Variants in ZNF83 observed in about 807,000 individuals in gnomAD.
The protein encoded by ZNF83 is zinc finger protein 816B.
For synonymous variants in ZNF83, 209 were observed against 213.0 expected, an observed-to-expected ratio of 0.98 and a Z score of 0.17; for missense variants, 552 against 629.9, an observed-to-expected ratio of 0.88 and a Z score of 1.32.
chr19:52,674,716 G>A (rs957720771), intron 1 of ZNF83, among the ~76,000 whole-genome samples: 2 of 152,140 alleles, frequency 1.3e-5, no homozygotes, highest in Non-Finnish European at 2.9e-5. Flanking sequence ...GTAAAAATGC[G>A]AGAAGTTTCT....
intron 1 of ZNF83, among the ~76,000 whole-genome samples, chr19:52,664,250 C>T (rs2061617214): frequency 2.0e-5 from 3 of 149,902 alleles, no homozygotes; most frequent in Admixed American, 2.0e-4. Context: ...AATCCCAAGA[C>T]TTTGGGAGGC....
At chr19:52,647,338 C>T (rs1013576386) in intron 3 of ZNF83, among the ~76,000 whole-genome samples, 5 of 152,110 alleles carry the variant, frequency 3.3e-5, no homozygotes, top group Non-Finnish European at 7.3e-5. Flanking sequence ...TTATTATATA[C>T]ACAGAAGTGA....
intron 1 of ZNF83, among the ~76,000 whole-genome samples, chr19:52,689,453 T>G (rs1003090679): frequency 1.3e-5 from 2 of 152,022 alleles, no homozygotes; most frequent in East Asian, 3.9e-4. Context: ...TCTCCCTCTG[T>G]TCTCCTTGCC....
intron 3 of ZNF83, chr19:52,652,524 T>G (rs1224505034): frequency 8.8e-6 from 4 of 455,074 alleles, no homozygotes; most frequent in Non-Finnish European, 1.8e-5. Flanking sequence ...AAGATGAAGC[T>G]TGACTGAAGA....
At chr19:52,677,369 C>T (rs984511804) in intron 1 of ZNF83, among the ~76,000 whole-genome samples, 1 of 150,352 alleles carries the variant, frequency 6.7e-6, no homozygotes, top group East Asian at 2.0e-4. Flanking sequence ...GCCTGTAATC[C>T]CAGCTACTCA....
chr19:52,658,481 G>A (rs772250071), intron 2 of ZNF83, among the ~76,000 whole-genome samples: 9 of 152,222 alleles, frequency 5.9e-5, no homozygotes, highest in East Asian at 1.9e-4. Context: ...TGAGAGAATC[G>A]CTTGAATCCA....
chr19:52,668,500 G>T (rs2061682870), intron 1 of ZNF83, among the ~76,000 whole-genome samples: 1 of 152,100 alleles, frequency 6.6e-6, no homozygotes, highest in Non-Finnish European at 1.5e-5. Context: ...GAGGTCACTG[G>T]AAAGGATCCT....
At chr19:52,625,700 C>A (rs983091604) in intron 2 of ZNF83, among the ~76,000 whole-genome samples, 3 of 152,176 alleles carry the variant, frequency 2.0e-5, no homozygotes, top group African/African-American at 7.2e-5. Context: ...CTACCTTCCC[C>A]TTGCTCTTCA....
At chr19:52,620,232 A>G (rs375296986) in intron 2 of ZNF83, among the ~76,000 whole-genome samples, 1 of 109,442 alleles carries the variant, frequency 9.1e-6, no homozygotes, top group South Asian at 2.6e-4. Flanking sequence ...GTATGTGTAT[A>G]TGTATATATG....
chr19:52,662,300 A>T (rs562826461), intron 1 of ZNF83, among the ~76,000 whole-genome samples: 1 of 152,302 alleles, frequency 6.6e-6, no homozygotes, highest in African/African-American at 2.4e-5. Context: ...CTGCAAGGGA[A>T]TGTGTTCAGG....
At chr19:52,688,606 G>A (rs775860121) in intron 1 of ZNF83, among the ~76,000 whole-genome samples, 1 of 151,610 alleles carries the variant, frequency 6.6e-6, no homozygotes, top group African/African-American at 2.4e-5. Context: ...CTCTCCTGCT[G>A]TTTATCCCCT....
chr19:52,622,142 C>T (rs2060573015), intron 2 of ZNF83, among the ~76,000 whole-genome samples: 1 of 152,082 alleles, frequency 6.6e-6, no homozygotes, highest in Admixed American at 6.6e-5. Flanking sequence ...CCTCCCCTCC[C>T]CACACCCAGT....
Position 52,655,302 on chromosome 19 carries a change from G to C in ZNF83, c.-74+259C>G, listed in dbSNP as rs186348632. 1.5e-3 allele frequency: 521 copies of C among 339,114 alleles called. 6 individuals are homozygous for C. The highest frequency in any genetic ancestry group is 0.011 in the African/African-American group (494 of 46,536). The allele number at this position is 339,114 out of a possible 1,614,324, so 21.0% of individuals were successfully genotyped here. A position where few individuals can be genotyped will look rare whatever the true frequency, so the allele number is the denominator to read the frequency against. On this transcript the variant is annotated intron_variant, in intron 3 of 5. Coordinates refer to the ZNF83 transcript ENST00000594682. ...ACAATTCTGCTCAGGGCTACCAGGG[G>C]CATCTCTGCTTAGAGCAGGATGACG...
intron 1 of ZNF83, among the ~76,000 whole-genome samples, chr19:52,682,697 AAAAGAAAAAGAAAAAG>A (rs961542445): frequency 4.0e-5 from 3 of 74,328 alleles, no homozygotes; most frequent in Non-Finnish European, 8.5e-5. Flanking sequence ...AAGAAAAAGA[AAAAGAAAAAGAAAAAG>A]AAAAGATGTA....
chr19:52,678,076 T>C (rs540448711), intron 1 of ZNF83, among the ~76,000 whole-genome samples: 64 of 151,076 alleles, frequency 4.2e-4, no homozygotes, highest in African/African-American at 1.3e-3. Context: ...CAGACCCAGA[T>C]GGAGATTGTT....
intron 2 of ZNF83, among the ~76,000 whole-genome samples, chr19:52,631,629 C>T (rs905539328): frequency 4.6e-5 from 7 of 152,334 alleles, no homozygotes; most frequent in Middle Eastern, 3.4e-3. Flanking sequence ...TCAATCCGGC[C>T]TCCCACATTA....
At chr19:52,626,816 A>G (rs2060755483) in intron 2 of ZNF83, among the ~76,000 whole-genome samples, 1 of 151,922 alleles carries the variant, frequency 6.6e-6, no homozygotes, top group South Asian at 2.1e-4. Context: ...ATCTCTCCAT[A>G]CCACCCCCAA....
chr19:52,628,017 C>T (rs142404165), intron 2 of ZNF83, among the ~76,000 whole-genome samples: 1,634 of 152,024 alleles, frequency 0.011, 27 homozygotes, highest in African/African-American at 0.037. Flanking sequence ...CACTCCTGCC[C>T]ACCAGAGAAC....
At chr19:52,623,811 T>C (rs2060635691) in intron 2 of ZNF83, among the ~76,000 whole-genome samples, 1 of 152,182 alleles carries the variant, frequency 6.6e-6, no homozygotes, top group African/African-American at 2.4e-5. Context: ...AAACTCCTTA[T>C]GATTCCCCCA....
Sources: gnomAD v4.1 joint callset for allele counts (sites outside exome capture counted in the v4.1 genomes callset) on GRCh38, gnomAD v4.1.1 for gene constraint, MANE v1.5 for transcripts, NCBI Gene and HGNC (gene_info 2026-07-23, HGNC 2026-07-21) for gene names.